The following CSGALNACT1 variants were observed in gnomAD, a reference collection of about 807,000 sequenced individuals.
CSGALNACT1 encodes the protein chondroitin sulfate N-acetylgalactosaminyltransferase 1.
Under a neutral mutation model 51.0 loss-of-function variants are expected in CSGALNACT1, and 52 were observed. The ratio of observed to expected loss-of-function variants is 1.02; its 90% CI spans 0.82 to 1.29. CSGALNACT1 has a LOEUF of 1.29. Among genes scored for constraint, CSGALNACT1 ranks in the 50% most tolerant of loss-of-function variants. CSGALNACT1 has a pLI of 0.00. For missense variants in CSGALNACT1, 935 were observed against 679.2 expected (o/e 1.38, Z -4.19); for synonymous variants, 341 against 254.4 (o/e 1.34, Z -3.24).
intron 1 of CSGALNACT1, among the ~76,000 whole-genome samples, chr8:19,676,453 G>A (rs1427148485): frequency 6.6e-6 from 1 of 152,208 alleles, no homozygotes; most frequent in Non-Finnish European, 1.5e-5. Context: ...GAATCGTCTT[G>A]AAGCAGAATG....
intron 3 of CSGALNACT1, among the ~76,000 whole-genome samples, chr8:19,526,975 C>G (rs1021736039): frequency 6.6e-6 from 1 of 152,190 alleles, no homozygotes; most frequent in Non-Finnish European, 1.5e-5. Context: ...CATTCAGGAT[C>G]TTAGATATCC....
intron 6 of CSGALNACT1, among the ~76,000 whole-genome samples, chr8:19,437,962 T>A (rs751558064): frequency 2.0e-5 from 3 of 152,232 alleles, no homozygotes; most frequent in African/African-American, 7.2e-5. Context: ...TGGAGAAGAA[T>A]GTATTGATAA....
intron 1 of CSGALNACT1, among the ~76,000 whole-genome samples, chr8:19,657,465 C>T (rs1466588790): frequency 1.3e-5 from 2 of 152,112 alleles, no homozygotes; most frequent in Admixed American, 6.6e-5. Context: ...GATCCAATAA[C>T]AAACTCACCA....
chr8:19,692,654 T>A (rs2061392436), intron 1 of CSGALNACT1, among the ~76,000 whole-genome samples: 1 of 152,198 alleles, frequency 6.6e-6, no homozygotes. Flanking sequence ...AAATGAGCTT[T>A]TTTAATACAG....
At chr8:19,684,149 G>A (rs2060831494), upstream of CSGALNACT1, among the ~76,000 whole-genome samples, 1 of 150,946 alleles carries the variant, frequency 6.6e-6, no homozygotes, top group Admixed American at 6.6e-5. Context: ...CCAGGCAACA[G>A]AACTTGACTC....
At chr8:19,641,796 C>G (rs2056773687) in intron 1 of CSGALNACT1, 1 of 152,122 alleles carries the variant, frequency 6.6e-6, no homozygotes, top group Admixed American at 6.5e-5. Context: ...CCAGGTGACC[C>G]CCAAATGCCT....
chr8:19,458,851 T>G (rs1586479962), intron 4 of CSGALNACT1, among the ~76,000 whole-genome samples: 1 of 152,136 alleles, frequency 6.6e-6, no homozygotes, highest in Non-Finnish European at 1.5e-5. Context: ...TTATGAAGAC[T>G]GCATAAAAAC....
intron 6 of CSGALNACT1, among the ~76,000 whole-genome samples, chr8:19,435,490 T>TG (rs2060243513): frequency 1.1e-5 from 1 of 89,640 alleles, no homozygotes; most frequent in Admixed American, 9.8e-5. Flanking sequence ...AGACTCTGAA[T>TG]CAAAAAAAAA....
chr8:19,522,148 G>T (rs2080855247), intron 3 of CSGALNACT1, among the ~76,000 whole-genome samples: 1 of 152,162 alleles, frequency 6.6e-6, no homozygotes. Flanking sequence ...GCCTGTAACA[G>T]AGTTAATATG....
chr8:19,481,000 T>A (rs925874655), intron 4 of CSGALNACT1, among the ~76,000 whole-genome samples: 1 of 152,146 alleles, frequency 6.6e-6, no homozygotes, highest in Non-Finnish European at 1.5e-5. Flanking sequence ...CAAGTTCCAA[T>A]TGCATGAGGT....
chr8:19,459,771 C>T (rs978969534), intron 4 of CSGALNACT1, among the ~76,000 whole-genome samples: 6 of 152,136 alleles, frequency 3.9e-5, no homozygotes, highest in Non-Finnish European at 7.4e-5. Context: ...GAAGTTAGAA[C>T]AGTACAAGGC....
At chr8:19,631,350 C>T (rs1359511966) in intron 1 of CSGALNACT1, among the ~76,000 whole-genome samples, 3 of 152,180 alleles carry the variant, frequency 2.0e-5, no homozygotes, top group Non-Finnish European at 4.4e-5. Context: ...TGCTCCACAT[C>T]CTTGCTGGTG....
intron 4 of CSGALNACT1, among the ~76,000 whole-genome samples, chr8:19,466,507 A>AT (rs2066716035): frequency 6.6e-6 from 1 of 152,188 alleles, no homozygotes; most frequent in Non-Finnish European, 1.5e-5. Context: ...CTAAAATAGT[A>AT]TTTTTTATTT....
At chr8:19,593,411 A>T (rs1200406701) in intron 2 of CSGALNACT1, among the ~76,000 whole-genome samples, 1 of 152,222 alleles carries the variant, frequency 6.6e-6, no homozygotes, top group East Asian at 1.9e-4. Context: ...CTGGGGCACC[A>T]CAACAGCTAG....
intron 4 of CSGALNACT1, among the ~76,000 whole-genome samples, chr8:19,461,940 CG>C (rs2065637584): frequency 2.6e-5 from 4 of 151,450 alleles, no homozygotes; most frequent in Non-Finnish European, 5.9e-5. Flanking sequence ...TCACAGAGGG[CG>C]CATCTGCACA....
At chr8:19,458,835 TCA>T (rs1563510727) in intron 4 of CSGALNACT1, among the ~76,000 whole-genome samples, 193 bp from the exon 4 acceptor site, 1 of 152,130 alleles carries the variant, frequency 6.6e-6, no homozygotes, top group Non-Finnish European at 1.5e-5. Context: ...AATTTTAAAA[TCA>T]CAGTTATGAA....
Position 19,699,584 on chromosome 8 carries a change from A to G in CSGALNACT1, c.-297+58266T>C, listed in dbSNP as rs547739305. ...GTTACTCACATGAGGTCCCTGAAGTAGTCAGGTCCATTGAGCTAGAAAGTA... is the reference window on the plus strand; with the variant it reads ...GTTACTCACATGAGGTCCCTGAAGTGGTCAGGTCCATTGAGCTAGAAAGTA... On this transcript the variant is annotated intron_variant, in intron 1 of 1. Coordinates refer to the CSGALNACT1 transcript ENST00000517494. Among the ~76,000 whole-genome samples the G allele has an allele frequency of 7.9e-5, 12 of 152,336 alleles. No individual in the cohort carries two copies. The East Asian group carries it at 2.3e-3, about 29-fold the overall frequency.
chr8:19,529,007 A>T (rs759654777), intron 3 of CSGALNACT1, among the ~76,000 whole-genome samples: 1 of 152,192 alleles, frequency 6.6e-6, no homozygotes, highest in Admixed American at 6.5e-5. Context: ...TGGCGAGTAG[A>T]TGGGGCTGTC....
intron 3 of CSGALNACT1, among the ~76,000 whole-genome samples, chr8:19,508,781 A>C (rs537161554): frequency 6.6e-6 from 1 of 152,352 alleles, no homozygotes; most frequent in Non-Finnish European, 1.5e-5. Context: ...AGGGTTTTCT[A>C]ATAAAATGGT....
Sources: allele counts gnomAD v4.1 joint callset (sites outside exome capture counted in the v4.1 genomes callset), GRCh38; gene constraint gnomAD v4.1.1; transcripts MANE v1.5; gene names NCBI Gene and HGNC (gene_info 2026-07-23, HGNC 2026-07-21).